CCDC141: variants seen among roughly 807,000 people sequenced by gnomAD.
CCDC141 encodes coiled-coil domain-containing protein 141.
Under a neutral mutation model 181.0 loss-of-function variants are expected in CCDC141, and 168 were observed. The ratio of observed to expected loss-of-function variants is 0.93; its 90% confidence interval spans 0.82 to 1.05. The LOEUF (loss-of-function observed/expected upper bound fraction) is 1.05. Ranked by LOEUF, CCDC141 falls within the 50% of genes least tolerant of loss-of-function variation. The pLI is 0.00. For synonymous variants in CCDC141, 666 were observed against 642.3 expected (o/e 1.04, Z -0.56); for missense variants, 1,902 against 1,788.5 (o/e 1.06, Z -1.14).
chr2:178,963,195 G>A (rs928322901), intron 4 of CCDC141, among the ~76,000 whole-genome samples: 4 of 152,108 alleles, frequency 2.6e-5, no homozygotes, highest in Non-Finnish European at 5.9e-5. Flanking sequence ...GTTCCCCAGA[G>A]ATGTAAAAAA....
chr2:179,015,089 T>TACACATATATATATTATATATATAATC (rs1319398966), intron 2 of CCDC141, among the ~76,000 whole-genome samples: 3 of 47,130 alleles, frequency 6.4e-5, no homozygotes, highest in Admixed American at 1.7e-4. Context: ...TATATATATA[T>TACACATATATATATTATATATATAATC]ATATATATAT....
chr2:178,856,204 G>C, intron 18 of CCDC141, 53 bp downstream of exon 18: 2 of 1,428,152 alleles, frequency 1.4e-6, no homozygotes, highest in Non-Finnish European at 1.9e-6. Flanking sequence ...TGCAATAATT[G>C]TGTAGTACAT....
At position 178,900,062 on chromosome 2, in the gene CCDC141, T is replaced by C. The variant is rs929824729; in HGVS notation, c.1265+5267A>G. Among the ~76,000 whole-genome samples, 6 of 152,296 alleles carry C rather than the reference T, an allele frequency of 3.9e-5. No homozygotes were observed. In the East Asian group the frequency reaches 1.2e-3, roughly 29 times the overall value. On this transcript the variant is annotated intron_variant, in intron 8 of 23. Transcript: ENST00000443758. Reference sequence around the variant, plus strand: ...TTTGCCAAGAAACAATTTTATTTTATCTTCAGCTCCTCCTGCAAAATGAAA... The same window carrying C: ...TTTGCCAAGAAACAATTTTATTTTACCTTCAGCTCCTCCTGCAAAATGAAA...
chr2:178,983,940 G>C (rs917223804), intron 2 of CCDC141, among the ~76,000 whole-genome samples: 1 of 149,940 alleles, frequency 6.7e-6, no homozygotes, highest in Non-Finnish European at 1.5e-5. Context: ...GCAGGCCAAC[G>C]TTCAGATTCA....
rs141212304 is a variant in CCDC141 at position 178,970,484 on chromosome 2, G to C, written c.526+4573C>G. Among the ~76,000 whole-genome samples the C allele has an allele frequency of 4.3e-4, 65 of 152,294 alleles. 2 individuals are homozygous for C. In the East Asian group the frequency reaches 0.012, roughly 28 times the overall value. ...TAACACCACACATCTACAACCATCT[G>C]ATCTTTGACAAACCTGATACAAACA... On this transcript the variant is annotated intron_variant, in intron 4 of 23. Transcript: ENST00000443758.
chr2:178,979,884 C>T (rs1242072707), intron 2 of CCDC141, among the ~76,000 whole-genome samples: 1 of 152,042 alleles, frequency 6.6e-6, no homozygotes, highest in Non-Finnish European at 1.5e-5. Flanking sequence ...AATAATAAGG[C>T]TACTACATTT....
chr2:178,939,029 C>T (rs374516722), intron 6 of CCDC141, among the ~76,000 whole-genome samples: 2 of 151,714 alleles, frequency 1.3e-5, no homozygotes, highest in African/African-American at 4.8e-5. Context: ...TCTTTTGGTT[C>T]GGTTTGTTTT....
At chr2:179,021,079 C>A (rs148842684) in intron 2 of CCDC141, among the ~76,000 whole-genome samples, 200 of 152,204 alleles carry the variant, frequency 1.3e-3, no homozygotes, top group African/African-American at 4.5e-3. Context: ...TTAATAGTAA[C>A]CAAAATGTAA....
chr2:178,862,611 C>T (rs182875998), intron 17 of CCDC141, among the ~76,000 whole-genome samples: 1 of 152,062 alleles, frequency 6.6e-6, no homozygotes, highest in Admixed American at 6.6e-5. Context: ...TTCAAGCATA[C>T]AAATGTATCT....
chr2:178,899,466 G>C (rs1262569997), intron 8 of CCDC141, among the ~76,000 whole-genome samples: 4 of 152,022 alleles, frequency 2.6e-5, no homozygotes, highest in Non-Finnish European at 4.4e-5. Flanking sequence ...TGGTGGTGCT[G>C]TCTCATTCAA....
intron 11 of CCDC141, among the ~76,000 whole-genome samples, chr2:178,882,356 C>T (rs535729076): frequency 4.6e-5 from 7 of 151,894 alleles, no homozygotes; most frequent in African/African-American, 9.7e-5. Flanking sequence ...GCAACAAGAG[C>T]GAAACTCTGT....
At chr2:178,815,592 G>T in the CCDC141 span, among the ~76,000 whole-genome samples, 4 of 152,088 alleles carry the variant, frequency 2.6e-5, no homozygotes, top group Admixed American at 2.0e-4. Flanking sequence ...TGTGGGATTG[G>T]CTCCAGGACC....
chr2:178,961,571 T>C (rs1385832334), intron 4 of CCDC141, 88 bp from the exon 5 acceptor site: 4 of 1,057,202 alleles, frequency 3.8e-6, no homozygotes, highest in East Asian at 5.3e-5. Flanking sequence ...TTAAAATATA[T>C]GTAATTTTTA....
At chr2:178,946,237 A>G (rs1689726105) in intron 5 of CCDC141, among the ~76,000 whole-genome samples, 1 of 152,200 alleles carries the variant, frequency 6.6e-6, no homozygotes, top group Admixed American at 6.5e-5. Context: ...AATTATTTGA[A>G]GACAGTGTTT....
intron 5 of CCDC141, among the ~76,000 whole-genome samples, chr2:178,957,266 T>G (rs987168020): frequency 6.6e-6 from 1 of 152,260 alleles, no homozygotes; most frequent in Admixed American, 6.5e-5. Context: ...CTATGCACTG[T>G]GCTACATGTT....
chr2:178,942,120 C>A (rs918860009), intron 6 of CCDC141, among the ~76,000 whole-genome samples: 1 of 151,494 alleles, frequency 6.6e-6, no homozygotes, highest in Non-Finnish European at 1.5e-5. Flanking sequence ...TACTCAGCTT[C>A]TGCACAAGAT....
At chr2:178,817,567 A>G in the CCDC141 span, 1 of 471,080 alleles carries the variant, frequency 2.1e-6, no homozygotes, top group African/African-American at 2.0e-5. Context: ...TCTTTGAACC[A>G]AGTGACACAT....
chr2:179,038,686 A>G (rs375128091), intron 2 of CCDC141, among the ~76,000 whole-genome samples: 6 of 152,176 alleles, frequency 3.9e-5, no homozygotes, highest in African/African-American at 1.4e-4. Flanking sequence ...TAGCACAGAA[A>G]ATAGAAATAG....
rs542159879 is a variant in CCDC141 at position 178,869,159 on chromosome 2, A to G, written c.2352T>C (p.Asp784=). Residue 784 remains aspartate (D), a synonymous_variant, in exon 15 of 24, where the codon GAT becomes GAC. Coordinates refer to ENST00000443758, the MANE Select transcript of CCDC141 (RefSeq NM_173648.4). ...GGAACTGGACCACCTTGTACAGGAT[A>G]TCCTCGTAATCCTGGATTCTCTCTT... ...KQKERIQDYE[D]ILYKVVQFHQ... 3 of 1,612,740 alleles carry G rather than the reference A, an allele frequency of 1.9e-6. No homozygotes were observed. The highest frequency in any genetic ancestry group is 2.5e-6 in the Non-Finnish European group (3 of 1,179,478).
Sources: gnomAD v4.1 joint callset for allele counts (sites outside exome capture counted in the v4.1 genomes callset) on GRCh38, gnomAD v4.1.1 for gene constraint, MANE v1.5 for transcripts, NCBI Gene and HGNC (gene_info 2026-07-23, HGNC 2026-07-21) for gene names.